Variants in SPACA9 observed in about 807,000 individuals in gnomAD.
SPACA9 encodes the protein sperm acrosome-associated protein 9.
SPACA9 carries 14 observed loss-of-function variants against 12.5 expected under a neutral mutation model. The ratio of observed to expected loss-of-function variants is 1.12; its 90% confidence interval spans 0.74 to 1.75. SPACA9 has a LOEUF of 1.75. Among genes scored for constraint, SPACA9 ranks in the 40% most tolerant of loss-of-function variants. The pLI is 0.00. For synonymous variants in SPACA9, 111 were observed against 114.1 expected, an observed-to-expected ratio of 0.97 and a Z score of 0.17; for missense variants, 292 against 291.9, an observed-to-expected ratio of 1.00 and a Z score of 0.00.
rs1042843320 is a variant in SPACA9, at chr9:132,888,575, A to G, written c.633A>G (p.Ser211=). Residue 211 remains serine, a synonymous_variant, in exon 4 of 4, where the codon TCA becomes TCG. Coordinates refer to ENST00000356311, the MANE Select transcript of SPACA9 (RefSeq NM_001316897.2). The surrounding 1 kb of genome is among the most constrained non-coding windows in gnomAD (Gnocchi z 5.0). The part of the protein sequence containing the change: ...TKASLKPRGC[S]KPPWRPPGGK... ...CCAGCCTCAAACCCAGGGGATGTTC[A>G]AAACCACCCTGGAGGCCTCCTGGTG... The G allele has an allele frequency of 6.5e-7, 1 of 1,548,562 alleles. No homozygotes were observed. Among genetic ancestry groups the G allele is most frequent in the African/African-American group, 1.4e-5 (1 of 73,050 alleles).
At chr9:132,885,587 A>T (rs965340943) in intron 2 of SPACA9, among the ~76,000 whole-genome samples, 1 of 151,768 alleles carries the variant, frequency 6.6e-6, no homozygotes, top group Non-Finnish European at 1.5e-5. Context: ...AGATTCACCG[A>T]CTTGTGACAT....
Position 132,883,899 on chromosome 9 carries a change from G to T in SPACA9, c.-37-12G>T, listed in dbSNP as rs768784763. ...TCCCAGGACCTCATCACTATCCTCT[G>T]TCTCCCCATAGATTCCTCTTCTCCT... On this transcript the variant is annotated splice_polypyrimidine_tract_variant and intron_variant, in intron 1 of 3. Transcript: ENST00000356311. 2 of 1,602,928 alleles carry T rather than the reference G, an allele frequency of 1.2e-6. No homozygotes were observed. Among genetic ancestry groups the T allele is most frequent in the South Asian group, 2.2e-5 (2 of 90,616 alleles).
chr9:132,878,758 A>C, upstream of SPACA9: 1 of 985,136 alleles, frequency 1.0e-6, no homozygotes, highest in Non-Finnish European at 1.2e-6. This position sits in a 1 kb window ranked among gnomAD's most constrained non-coding sequence, Gnocchi z 4.7. Context: ...CCTCAGCCCA[A>C]CTCCTAGAGT....
rs960276196 is a variant in SPACA9 at position 132,888,760 on chromosome 9, T to C, written c.*149T>C. ...ATATTACTGAGACTTCCTCTCTCTC[T>C]TCTTGCTTTAACTTCTTTTTTTTTT... On this transcript the variant is annotated 3_prime_UTR_variant, in exon 4 of 4. Transcript: ENST00000356311. This position sits in a 1 kb window ranked among gnomAD's most constrained non-coding sequence, Gnocchi z 5.0. 2.1e-6 allele frequency: 3 copies of C among 1,414,084 alleles called. No individual in the cohort carries two copies. The highest frequency in any genetic ancestry group is 2.8e-6 in the Non-Finnish European group (3 of 1,087,832). The allele number at this position is 1,414,084 out of a possible 1,614,324, so 87.6% of individuals were successfully genotyped here. A position where few individuals can be genotyped will look rare whatever the true frequency, so the allele number is the denominator to read the frequency against.
intron 1 of SPACA9, among the ~76,000 whole-genome samples, chr9:132,882,905 G>T (rs958655601): frequency 1.3e-5 from 2 of 152,128 alleles, no homozygotes; most frequent in Non-Finnish European, 2.9e-5. Flanking sequence ...CAAATTTGCT[G>T]TGACACCCTG....
At chr9:132,884,336 A>G (rs1034975732) in intron 2 of SPACA9, among the ~76,000 whole-genome samples, 1 of 152,238 alleles carries the variant, frequency 6.6e-6, no homozygotes, top group Non-Finnish European at 1.5e-5. Context: ...TCCTAGCTCT[A>G]CCATGTGCCA....
chr9:132,888,404 C>T lies in SPACA9; in HGVS notation c.462C>T (p.His154=), dbSNP rs1481902165. 2.5e-6 allele frequency: 4 copies of T among 1,613,906 alleles called. No homozygotes were observed. The African/African-American group carries it at 4.0e-5, about 16-fold the overall frequency. ...ILDLMKEWIA[H]SEKLPRKVLQ... ...ACTTAATGAAAGAATGGATCGCCCA[C>T]TCCGAGAAGTTGCCGCGCAAGGTGC... Residue 154 remains histidine (H), a synonymous_variant, in exon 4 of 4, where the codon CAC becomes CAT. Transcript: ENST00000356311. The surrounding 1 kb of genome is among the most constrained non-coding windows in gnomAD (Gnocchi z 5.0).
intron 1 of SPACA9, among the ~76,000 whole-genome samples, chr9:132,879,696 C>A (rs980486055): frequency 1.3e-5 from 2 of 152,194 alleles, no homozygotes; most frequent in Non-Finnish European, 2.9e-5. Context: ...GTCACTTCCC[C>A]TTTCTGGGCT....
chr9:132,888,900 T>A lies in SPACA9; in HGVS notation c.*289T>A. The A allele has an allele frequency of 1.5e-6, 1 of 652,008 alleles. No homozygotes were observed. The highest frequency in any genetic ancestry group is 2.1e-6 in the Non-Finnish European group (1 of 472,590). 40.4% of individuals were successfully genotyped at this position (652,008 alleles called of 1,614,324 possible). A position where few individuals can be genotyped will look rare whatever the true frequency, so the allele number is the denominator to read the frequency against. ...CTCCTGCCTCAGCCTCCCAAGTAGCTGGGACTACAGGCGCCCACCACCTCG... is the reference window on the plus strand; with the variant it reads ...CTCCTGCCTCAGCCTCCCAAGTAGCAGGGACTACAGGCGCCCACCACCTCG... On this transcript the variant is annotated 3_prime_UTR_variant, in exon 4 of 4. Transcript: ENST00000356311. The surrounding 1 kb of genome is among the most constrained non-coding windows in gnomAD (Gnocchi z 5.0).
Position 132,888,771 on chromosome 9 carries a change from ACTTCTTT to A in SPACA9, c.*161_*167del. ...ACTTCCTCTCTCTCTTCTTGCTTTA[ACTTCTTT>A]TTTTTTTGAGACGGAGTCTCGCTCT... On this transcript the variant is annotated 3_prime_UTR_variant, in exon 4 of 4. Coordinates refer to ENST00000356311, the MANE Select transcript of SPACA9 (RefSeq NM_001316897.2). The surrounding 1 kb of genome is among the most constrained non-coding windows in gnomAD (Gnocchi z 5.0). The A allele has an allele frequency of 7.2e-7, 1 of 1,395,416 alleles. No individual in the cohort carries two copies. The highest frequency in any genetic ancestry group is 9.3e-7 in the Non-Finnish European group (1 of 1,079,730). 86.4% of individuals were successfully genotyped at this position (1,395,416 alleles called of 1,614,324 possible).
rs1844616066 is a variant in SPACA9 at position 132,887,952 on chromosome 9, G to A, written c.348-338G>A. ...CCTCATCCTGACAGCCCGGGAGCCT[G>A]CAGCACAGTGGGCCAGAGCCTGGGG... On this transcript the variant is annotated intron_variant, in intron 3 of 3. Coordinates refer to ENST00000356311, the MANE Select transcript of SPACA9 (RefSeq NM_001316897.2). This position sits in a 1 kb window ranked among gnomAD's most constrained non-coding sequence, Gnocchi z 5.4. Among the ~76,000 whole-genome samples the A allele has an allele frequency of 6.6e-6, 1 of 152,152 alleles. No homozygotes were observed. The highest frequency in any genetic ancestry group is 1.5e-5 in the Non-Finnish European group (1 of 68,018).
intron 2 of SPACA9, among the ~76,000 whole-genome samples, chr9:132,885,777 A>G (rs957880866): frequency 5.3e-5 from 8 of 152,192 alleles, no homozygotes; most frequent in African/African-American, 1.9e-4. Flanking sequence ...ATCTACATCC[A>G]TGCATAAGGG....
Position 132,884,039 on chromosome 9 carries a change from A to C in SPACA9, c.92A>C (p.His31Pro), listed in dbSNP as rs761943772. Residue 31 changes from histidine to proline, a missense_variant, in exon 2 of 4, where the codon CAC becomes CCC. Coordinates refer to ENST00000356311, the MANE Select transcript of SPACA9 (RefSeq NM_001316897.2). ...CTCACCTTCACCGCCGCTCTGGAGC[A>C]CTGCAGGGAGAACGCCCACGACAAG... is the stretch of plus-strand genomic sequence containing the variant. ...QQLTFTAALE[H>P]CRENAHDKIR... is the part of the protein sequence containing the mutation. 4 of 1,614,172 alleles carry C rather than the reference A, an allele frequency of 2.5e-6. 1 individual carries two copies. In the South Asian group the frequency reaches 4.4e-5, roughly 18 times the overall value.
rs1844664264 is a variant in SPACA9 at position 132,889,131 on chromosome 9, A to T, written c.*520A>T. On this transcript the variant is annotated 3_prime_UTR_variant, in exon 4 of 4. Transcript: ENST00000356311. ...ATCAGGCTCCGTGCTGATGAAGAGGAAACCCACTTACAGAAGTTGCCCAAA... is the reference window on the plus strand; with the variant it reads ...ATCAGGCTCCGTGCTGATGAAGAGGTAACCCACTTACAGAAGTTGCCCAAA... 1.0e-6 allele frequency: 1 copy of T among 990,066 alleles called. No individual in the cohort carries two copies. Among genetic ancestry groups the T allele is most frequent in the Admixed American group, 5.7e-5 (1 of 17,516 alleles). 61.3% of individuals were successfully genotyped at this position (990,066 alleles called of 1,614,324 possible).
At chr9:132,879,414 C>T (rs1214356245) in intron 1 of SPACA9, among the ~76,000 whole-genome samples, 1 of 152,196 alleles carries the variant, frequency 6.6e-6, no homozygotes, top group Non-Finnish European at 1.5e-5. Context: ...GGCTCCGCTT[C>T]TTACTGTGTG....
At chr9:132,890,134 G>C (rs922720054), downstream of SPACA9, 7 of 724,148 alleles carry the variant, frequency 9.7e-6, no homozygotes, top group Non-Finnish European at 1.4e-5. Flanking sequence ...AGACAGCAGA[G>C]AGAGAGGCCA....
At chr9:132,881,923 C>T (rs1463543175) in intron 1 of SPACA9, among the ~76,000 whole-genome samples, 1 of 152,166 alleles carries the variant, frequency 6.6e-6, no homozygotes, top group East Asian at 1.9e-4. Context: ...CCTGGGTGAG[C>T]CGGACACCAC....
intron 2 of SPACA9, among the ~76,000 whole-genome samples, chr9:132,885,644 T>C (rs1844545867): frequency 3.3e-5 from 5 of 152,168 alleles, no homozygotes; most frequent in African/African-American, 4.8e-5. Context: ...CCCTGAGCTA[T>C]TGGAAAATAA....
At chr9:132,879,626 C>T (rs1407959732) in intron 1 of SPACA9, among the ~76,000 whole-genome samples, 1 of 152,200 alleles carries the variant, frequency 6.6e-6, no homozygotes, top group Non-Finnish European at 1.5e-5. Context: ...TCCCATTTTA[C>T]AGATGAGAAG....
Sources: allele counts gnomAD v4.1 joint callset (sites outside exome capture counted in the v4.1 genomes callset), GRCh38; gene constraint gnomAD v4.1.1; non-coding constraint Gnocchi (gnomAD v3.1); transcripts MANE v1.5; gene names NCBI Gene and HGNC (gene_info 2026-07-23, HGNC 2026-07-21).